The following RIPOR2 variants were observed in gnomAD, a reference collection of about 807,000 sequenced individuals.
The protein encoded by RIPOR2 is rho family-interacting cell polarization regulator 2.
RIPOR2 carries 39 observed loss-of-function variants against 114.5 expected under a neutral mutation model. That is an observed-to-expected ratio of 0.34 (90% CI 0.26 to 0.44). The LOEUF is 0.44. RIPOR2 is among the 20% of genes least tolerant of loss of function. RIPOR2 has a pLI of 1.00. For missense variants in RIPOR2, 1,007 were observed against 1,255.1 expected, an observed-to-expected ratio of 0.80 and a Z score of 2.99; for synonymous variants, 445 against 484.4, an observed-to-expected ratio of 0.92 and a Z score of 1.07.
intron 5 of RIPOR2, among the ~76,000 whole-genome samples, chr6:24,870,575 C>T (rs1038325586): frequency 2.0e-5 from 3 of 152,164 alleles, no homozygotes; most frequent in African/African-American, 7.2e-5. Context: ...GGTGCAATCA[C>T]GGCTCACTGC....
chr6:24,829,897 G>A (rs1003903133), intron 17 of RIPOR2, among the ~76,000 whole-genome samples: 1 of 152,164 alleles, frequency 6.6e-6, no homozygotes, highest in Non-Finnish European at 1.5e-5. Context: ...CATACCATTT[G>A]ACACTCTCGT....
intron 8 of RIPOR2, among the ~76,000 whole-genome samples, chr6:24,859,635 C>T (rs1763854207): frequency 6.6e-6 from 1 of 152,072 alleles, no homozygotes; most frequent in Non-Finnish European, 1.5e-5. Context: ...CCGGATCTGC[C>T]GGAAGAGAAG....
intron 20 of RIPOR2, 56 bp downstream of exon 20, chr6:24,818,486 C>A: frequency 1.8e-6 from 2 of 1,092,544 alleles, no homozygotes; most frequent in South Asian, 1.5e-5. Context: ...TATATACACT[C>A]AGCTTAGCCT....
At chr6:25,000,233 T>C (rs1337772021) in intron 1 of RIPOR2, among the ~76,000 whole-genome samples, 1 of 152,184 alleles carries the variant, frequency 6.6e-6, no homozygotes, top group Admixed American at 6.5e-5. Flanking sequence ...AGGAACCCTT[T>C]CCTGACCAAT....
intron 1 of RIPOR2, among the ~76,000 whole-genome samples, chr6:24,881,169 G>A (rs1296919108): frequency 6.6e-5 from 10 of 152,092 alleles, no homozygotes. Context: ...GCTTGAACCC[G>A]GGAGGCAGAG....
intron 1 of RIPOR2, among the ~76,000 whole-genome samples, chr6:24,917,820 C>G (rs61328950): frequency 5.3e-5 from 8 of 152,306 alleles, no homozygotes; most frequent in African/African-American, 1.9e-4. Flanking sequence ...TGAGCCACCA[C>G]GCCCAGCTGT....
intron 1 of RIPOR2, among the ~76,000 whole-genome samples, chr6:25,001,182 A>G (rs1223488540): frequency 6.6e-6 from 1 of 152,234 alleles, no homozygotes; most frequent in Non-Finnish European, 1.5e-5. Flanking sequence ...GTGTATGTAT[A>G]CCATACATAG....
At chr6:24,974,546 C>G (rs1332818173) in intron 1 of RIPOR2, among the ~76,000 whole-genome samples, 1 of 152,142 alleles carries the variant, frequency 6.6e-6, no homozygotes, top group Non-Finnish European at 1.5e-5. Flanking sequence ...GAAACTGGAG[C>G]CCCTATACAT....
chr6:24,907,167 G>A (rs893762396), intron 1 of RIPOR2, among the ~76,000 whole-genome samples: 6 of 152,098 alleles, frequency 3.9e-5, no homozygotes, highest in Non-Finnish European at 8.8e-5. Context: ...TCTCTCCTTG[G>A]TCTGGTAGAG....
chr6:24,866,954 G>A (rs867641813), intron 6 of RIPOR2, among the ~76,000 whole-genome samples: 4 of 152,070 alleles, frequency 2.6e-5, no homozygotes, highest in South Asian at 2.1e-4. Context: ...TTGTTCTGAA[G>A]GCAAACTTTT....
chr6:24,952,456 T>C (rs1772827870), intron 1 of RIPOR2, among the ~76,000 whole-genome samples: 1 of 152,188 alleles, frequency 6.6e-6, no homozygotes, highest in African/African-American at 2.4e-5. Context: ...ATTTTCATAG[T>C]GCTAATACTC....
intron 12 of RIPOR2, 77 bp downstream of exon 12, chr6:24,847,948 C>T: frequency 6.3e-7 from 1 of 1,577,446 alleles, no homozygotes; most frequent in South Asian, 1.1e-5. Context: ...AGCACTGTCT[C>T]TTAAGCATTT....
chr6:24,933,954 G>T (rs1258999922), intron 1 of RIPOR2, among the ~76,000 whole-genome samples: 1 of 152,172 alleles, frequency 6.6e-6, no homozygotes, highest in African/African-American at 2.4e-5. Flanking sequence ...GAACACACAG[G>T]TTCATCCAGC....
At chr6:24,964,707 T>C (rs1440405100) in intron 1 of RIPOR2, among the ~76,000 whole-genome samples, 2 of 152,194 alleles carry the variant, frequency 1.3e-5, no homozygotes, top group African/African-American at 4.8e-5. Context: ...TTTGAGGAAA[T>C]GCCAAACTAA....
intron 1 of RIPOR2, among the ~76,000 whole-genome samples, chr6:24,884,073 T>A (rs1280277713): frequency 1.3e-5 from 2 of 152,246 alleles, no homozygotes; most frequent in Admixed American, 6.5e-5. Flanking sequence ...AAAGTAAATA[T>A]ATTTATGTCA....
intron 1 of RIPOR2, among the ~76,000 whole-genome samples, chr6:25,040,842 T>C (rs1777437483): frequency 6.6e-6 from 1 of 152,034 alleles, no homozygotes; most frequent in African/African-American, 2.4e-5. Flanking sequence ...CCTCCCGCCT[T>C]GGCCTCCCAA....
chr6:24,855,904 T>C (rs970385134), intron 8 of RIPOR2, among the ~76,000 whole-genome samples: 2 of 152,100 alleles, frequency 1.3e-5, no homozygotes, highest in Admixed American at 6.5e-5. Context: ...CATGGTGGCG[T>C]GCGCCCGTGG....
chr6:24,917,309 A>G (rs1770154953), intron 1 of RIPOR2, among the ~76,000 whole-genome samples: 1 of 152,260 alleles, frequency 6.6e-6, no homozygotes, highest in African/African-American at 2.4e-5. Flanking sequence ...TCAGTGATCT[A>G]GATGGACAAA....
intron 1 of RIPOR2, among the ~76,000 whole-genome samples, chr6:24,966,442 TC>T (rs1467278256): frequency 1.3e-5 from 2 of 152,238 alleles, no homozygotes; most frequent in Non-Finnish European, 2.9e-5. Flanking sequence ...CAAAATGTTT[TC>T]TTTAATACTG....
Sources: gnomAD v4.1 joint callset for allele counts (sites outside exome capture counted in the v4.1 genomes callset) on GRCh38, gnomAD v4.1.1 for gene constraint, MANE v1.5 for transcripts, NCBI Gene and HGNC (gene_info 2026-07-23, HGNC 2026-07-21) for gene names.